The following MINDY1 variants were observed in gnomAD, a reference collection of about 807,000 sequenced individuals.
MINDY1 encodes MINDY lysine 48 deubiquitinase 1.
MINDY1 carries 50 observed loss-of-function variants against 53.6 expected under a neutral mutation model. That is an observed-to-expected ratio of 0.93 (90% CI 0.74 to 1.18). MINDY1 has a LOEUF of 1.18. Ranked by LOEUF, MINDY1 falls within the 50% of genes most tolerant of loss-of-function variation. MINDY1 has a pLI of 0.00. For synonymous variants in MINDY1, 231 were observed against 234.7 expected (o/e 0.98, Z 0.14); for missense variants, 484 against 578.6 (o/e 0.84, Z 1.68).
Position 151,005,813 on chromosome 1 carries a change from G to A in MINDY1, c.-90+499C>T, listed in dbSNP as rs114043434. On this transcript the variant is annotated intron_variant, in intron 1 of 9. Coordinates refer to ENST00000683666, the MANE Select transcript of MINDY1 (RefSeq NM_001376665.1). Reference sequence around the variant, plus strand: ...TTCTTTTCCTCCTCTTTCTTAGCTCGTCAAATCCTACACTTTCTCTCCAGC... The same window carrying A: ...TTCTTTTCCTCCTCTTTCTTAGCTCATCAAATCCTACACTTTCTCTCCAGC... Among the ~76,000 whole-genome samples the A allele has an allele frequency of 3.6e-3, 545 of 152,292 alleles. 4 individuals are homozygous for A. The highest frequency in any genetic ancestry group is 0.012 in the African/African-American group (514 of 41,550).
intron 1 of MINDY1, among the ~76,000 whole-genome samples, chr1:151,003,558 A>T (rs1672803801): frequency 1.3e-5 from 2 of 152,184 alleles, no homozygotes; most frequent in South Asian, 4.1e-4. Flanking sequence ...CTTTAAAAAA[A>T]ATTAATAAAG....
chr1:151,006,642 T>A lies in MINDY1; in HGVS notation c.-420A>T. The A allele has an allele frequency of 1.0e-6, 1 of 986,718 alleles. No individual in the cohort carries two copies. The highest frequency in any genetic ancestry group is 1.2e-6 in the Non-Finnish European group (1 of 830,896). 61.1% of individuals were successfully genotyped at this position (986,718 alleles called of 1,614,324 possible). ...GCTCCGGGCCCTGACTACAAGCTGG[T>A]TTTCAAAGGAAGTTTGTGGTTTTTC... On this transcript the variant is annotated 5_prime_UTR_variant, in exon 1 of 10. Transcript: ENST00000683666.
Position 150,997,327 on chromosome 1 carries a change from C to A in MINDY1, c.1370G>T (p.Arg457Leu), listed in dbSNP as rs374453452. The A allele has an allele frequency of 7.7e-5, 124 of 1,601,276 alleles. No homozygotes were observed. The highest frequency in any genetic ancestry group is 9.6e-5 in the Non-Finnish European group (113 of 1,172,830). Residue 457 changes from arginine to leucine, a missense_variant, in exon 10 of 10, where the codon CGG becomes CTG. By Grantham distance (102) the Arg-to-Leu change is moderately radical (BLOSUM62 -2). Transcript: ENST00000683666. The part of the protein sequence containing the change: ...ATSGRPAGER[R>L]QRPKHESDCI... ...GTCTGACTCGTGCTTCGGCCTCTGCCGACGCTCCCCGGCTGGGCGTCCAGA... is the reference window on the plus strand; with the variant it reads ...GTCTGACTCGTGCTTCGGCCTCTGCAGACGCTCCCCGGCTGGGCGTCCAGA...
In MINDY1 at chr1:150,998,069, G is replaced by A; in HGVS notation, c.1173+13C>T. ...CATGTGCTCTCTGCACTTTTCCTAA[G>A]TGCCCTACACACCTGGTCTACCTGC... On this transcript the variant is annotated intron_variant, in intron 8 of 9. Transcript: ENST00000683666. The A allele has an allele frequency of 6.3e-7, 1 of 1,599,790 alleles. No individual in the cohort carries two copies. Among genetic ancestry groups the A allele is most frequent in the African/African-American group, 1.3e-5 (1 of 74,584 alleles).
intron 9 of MINDY1, 36 bp downstream of exon 9, chr1:150,997,588 G>T: frequency 6.2e-7 from 1 of 1,603,352 alleles, no homozygotes; most frequent in South Asian, 1.1e-5. Context: ...GCATGAGGTG[G>T]AAACCGGGAG....
intron 1 of MINDY1, chr1:151,003,085 TATG>T (rs1213305950): frequency 1.8e-6 from 1 of 545,574 alleles, no homozygotes; most frequent in Admixed American, 5.2e-5. Flanking sequence ...TGGTTATTAA[TATG>T]ATGATCTTTA....
At chr1:151,000,321 TG>T in intron 5 of MINDY1, 135 bp downstream of exon 5, 3 of 875,004 alleles carry the variant, frequency 3.4e-6, no homozygotes, top group Non-Finnish European at 3.5e-6. Flanking sequence ...AATTCTGTAC[TG>T]GGTCCAGTCT....
chr1:150,998,004 T>C, intron 8 of MINDY1, 78 bp downstream of exon 8: 3 of 1,454,054 alleles, frequency 2.1e-6, no homozygotes, highest in Non-Finnish European at 2.8e-6. Flanking sequence ...ACATGGCCTC[T>C]AGCAGTTAAA....
downstream of MINDY1, chr1:150,996,716 G>A (rs587611370): frequency 2.0e-5 from 3 of 152,000 alleles, no homozygotes; most frequent in African/African-American, 7.2e-5. Context: ...CTAATTTCTT[G>A]TATTTTTAGT....
At chr1:150,998,349 A>G in intron 7 of MINDY1, 76 bp from the exon 8 acceptor site, 1 of 1,396,292 alleles carries the variant, frequency 7.2e-7, no homozygotes. Context: ...TCTCGGTATG[A>G]GCATGTGGAC....
At chr1:151,008,367 C>T (rs745567400), upstream of MINDY1, 38 of 1,282,686 alleles carry the variant, frequency 3.0e-5, no homozygotes, top group Admixed American at 9.3e-5. Context: ...CCCTTGGCCT[C>T]GCCGGAAAGA....
rs1672321349 is a variant in MINDY1 at position 150,999,760 on chromosome 1, A to G, written c.838+102T>C. ...CCCCAAGCTCCTTCTTGTGAAGCTT[A>G]TATCTAGTGGGATGTGGTAGGAGAT... On this transcript the variant is annotated intron_variant, in intron 6 of 9. Transcript: ENST00000683666. This position sits in a 1 kb window ranked among gnomAD's most constrained non-coding sequence, Gnocchi z 4.4. The G allele has an allele frequency of 7.9e-6, 9 of 1,135,094 alleles. No individual in the cohort carries two copies. The highest frequency in any genetic ancestry group is 2.3e-5 in the Admixed American group (1 of 44,360). The allele number at this position is 1,135,094 out of a possible 1,614,324, so 70.3% of individuals were successfully genotyped here.
chr1:151,006,123 G>C, intron 1 of MINDY1, 189 bp downstream of exon 1: 1 of 1,551,662 alleles, frequency 6.4e-7, no homozygotes, highest in Non-Finnish European at 8.7e-7. Context: ...AAGGTTTCGT[G>C]CTTTCATTAA....
intron 4 of MINDY1, 54 bp from the exon 5 acceptor site, chr1:151,000,669 A>T: frequency 2.0e-6 from 3 of 1,533,464 alleles, no homozygotes; most frequent in Admixed American, 2.1e-5. Context: ...CCACCACTCC[A>T]CTCCCACCTG....
At position 150,999,241 on chromosome 1, in the gene MINDY1, G is replaced by T; in HGVS notation, c.981+128C>A. On this transcript the variant is annotated intron_variant, in intron 7 of 9. Coordinates refer to ENST00000683666, the MANE Select transcript of MINDY1 (RefSeq NM_001376665.1). This position sits in a 1 kb window ranked among gnomAD's most constrained non-coding sequence, Gnocchi z 4.4. ...GAGCGGGAAATGAACCTTTGTTGTG[G>T]TAAACCACAGGGATTTGAGGGGTCA... 7.3e-7 allele frequency: 1 copy of T among 1,361,558 alleles called. No homozygotes were observed. The highest frequency in any genetic ancestry group is 1.0e-6 in the Non-Finnish European group (1 of 981,168). 84.3% of individuals were successfully genotyped at this position (1,361,558 alleles called of 1,614,324 possible). A position where few individuals can be genotyped will look rare whatever the true frequency, so the allele number is the denominator to read the frequency against.
Position 150,999,013 on chromosome 1 carries a change from C to T in MINDY1, c.981+356G>A, listed in dbSNP as rs897280026. Among the ~76,000 whole-genome samples the T allele has an allele frequency of 1.3e-5, 2 of 152,182 alleles. No individual in the cohort carries two copies. Among genetic ancestry groups the T allele is most frequent in the East Asian group, 1.9e-4 (1 of 5,192 alleles). ...TGTCCCATCGACGGCAGGCTTATCC[C>T]TTATGGCTTGCTCTGGCCAGAAGAT... On this transcript the variant is annotated intron_variant, in intron 7 of 9. Coordinates refer to ENST00000683666, the MANE Select transcript of MINDY1 (RefSeq NM_001376665.1). The surrounding 1 kb of genome is among the most constrained non-coding windows in gnomAD (Gnocchi z 4.4).
intron 3 of MINDY1, 67 bp from the exon 4 acceptor site, chr1:151,001,381 C>G (rs1672550650): frequency 1.3e-6 from 2 of 1,535,272 alleles, no homozygotes; most frequent in African/African-American, 2.7e-5. Context: ...TCCTCTTCTC[C>G]TGGAGAATGC....
In MINDY1 at chr1:150,999,429, C is replaced by G; in HGVS notation, c.921G>C (p.Lys307Asn). The change falls in exon 7 of 10, where the codon AAG (lysine) becomes AAC (asparagine). Residue 307 changes from lysine to asparagine, a missense_variant. By Grantham distance (94) the Lys-to-Asn change is moderately conservative (BLOSUM62 0). Transcript: ENST00000683666. This position sits in a 1 kb window ranked among gnomAD's most constrained non-coding sequence, Gnocchi z 4.4. ...HGLCELTAAA[K>N]EGELSVFFRN... The stretch of plus-strand genomic sequence containing the variant: ...GGAAAAAGACGCTAAGTTCACCCTC[C>G]TTAGCAGCTGCTGTCAGCTCACACA... The G allele has an allele frequency of 6.2e-7, 1 of 1,614,202 alleles. No individual in the cohort carries two copies. Among genetic ancestry groups the G allele is most frequent in the South Asian group, 1.1e-5 (1 of 91,082 alleles).
In MINDY1 at chr1:151,006,681, C is replaced by G. The variant is rs1673260813; in HGVS notation, c.-459G>C. ...TTGTGGTTTTTCTTTTCTTCTCTCT[C>G]TCTTTTTTGTTCTCATCAGGACGAA... On this transcript the variant is annotated 5_prime_UTR_variant, in exon 1 of 10. Coordinates refer to ENST00000683666, the MANE Select transcript of MINDY1 (RefSeq NM_001376665.1). The G allele has an allele frequency of 4.1e-6, 4 of 986,106 alleles. No homozygotes were observed. Among genetic ancestry groups the G allele is most frequent in the Non-Finnish European group, 4.8e-6 (4 of 830,362 alleles). The allele number at this position is 986,106 out of a possible 1,614,324, so 61.1% of individuals were successfully genotyped here. A position where few individuals can be genotyped will look rare whatever the true frequency, so the allele number is the denominator to read the frequency against.
Sources: allele counts gnomAD v4.1 joint callset (sites outside exome capture counted in the v4.1 genomes callset), GRCh38; gene constraint gnomAD v4.1.1; non-coding constraint Gnocchi (gnomAD v3.1); transcripts MANE v1.5; gene names NCBI Gene and HGNC (gene_info 2026-07-23, HGNC 2026-07-21).